NLE1: variants seen among roughly 807,000 people sequenced by gnomAD.
NLE1 encodes the protein notchless protein homolog 1.
In NLE1, 37 loss-of-function variants were observed where a neutral mutation model predicts 62.8. The observed-to-expected ratio is 0.59, with a 90% confidence interval of 0.45 to 0.78. NLE1 has a LOEUF of 0.78. Ranked by LOEUF, NLE1 falls within the 30% of genes least tolerant of loss-of-function variation. The pLI is 0.00. For missense variants in NLE1, 555 were observed against 637.9 expected, an observed-to-expected ratio of 0.87 and a Z score of 1.40; for synonymous variants, 243 against 253.0, an observed-to-expected ratio of 0.96 and a Z score of 0.37.
chr17:35,139,150 A>T (rs1287263020), intron 4 of NLE1, 85 bp downstream of exon 4: 1 of 1,169,484 alleles, frequency 8.6e-7, no homozygotes, highest in East Asian at 2.4e-5. Flanking sequence ...CTGTGACTGC[A>T]CCACTGTACT....
Position 35,129,829 on chromosome 17 carries a change from A to T in NLE1, c.*2608T>A. ...AGAATGCATGCTTCTGGGAGGTTTA[A>T]GGATTAAGCCACTCTGGGGCCCACT... On this transcript the variant is annotated 3_prime_UTR_variant, in exon 13 of 13. Coordinates refer to ENST00000442241, the MANE Select transcript of NLE1 (RefSeq NM_018096.5). The T allele has an allele frequency of 7.0e-7, 1 of 1,433,100 alleles. No homozygotes were observed. The highest frequency in any genetic ancestry group is 9.1e-7 in the Non-Finnish European group (1 of 1,098,260). The allele number at this position is 1,433,100 out of a possible 1,614,324, so 88.8% of individuals were successfully genotyped here. A position where few individuals can be genotyped will look rare whatever the true frequency, so the allele number is the denominator to read the frequency against.
rs2091867413 is a variant in NLE1 at position 35,130,122 on chromosome 17, C to G, written c.*2315G>C. 1.4e-6 allele frequency: 2 copies of G among 1,440,922 alleles called. No individual in the cohort carries two copies. Among genetic ancestry groups the G allele is most frequent in the Non-Finnish European group, 1.8e-6 (2 of 1,102,680 alleles). The allele number at this position is 1,440,922 out of a possible 1,614,324, so 89.3% of individuals were successfully genotyped here. On this transcript the variant is annotated 3_prime_UTR_variant, in exon 13 of 13. Coordinates refer to ENST00000442241, the MANE Select transcript of NLE1 (RefSeq NM_018096.5). Reference sequence around the variant, plus strand: ...ATAATGAGGAGGTACAGGCTTGAGTCATGCATCTTTGCACCTGTTTCCTGC... The same window carrying G: ...ATAATGAGGAGGTACAGGCTTGAGTGATGCATCTTTGCACCTGTTTCCTGC...
chr17:35,140,974 G>A (rs1443645490), intron 2 of NLE1, among the ~76,000 whole-genome samples: 1 of 152,198 alleles, frequency 6.6e-6, no homozygotes, highest in African/African-American at 2.4e-5. Flanking sequence ...CAGAGGCTCA[G>A]AACAACTAAG....
chr17:35,140,119 C>T, intron 2 of NLE1, 53 bp from the exon 3 acceptor site: 1 of 1,579,906 alleles, frequency 6.3e-7, no homozygotes, highest in Non-Finnish European at 8.6e-7. Context: ...GCAGGGGCAC[C>T]CTCTGCCAGG....
rs142986563 is a variant in NLE1, at chr17:35,130,014, A to G, written c.*2423T>C. 41 of 1,383,254 alleles carry G rather than the reference A, an allele frequency of 3.0e-5. No homozygotes were observed. Among genetic ancestry groups the G allele is most frequent in the Middle Eastern group, 2.7e-4 (1 of 3,680 alleles). The allele number at this position is 1,383,254 out of a possible 1,614,324, so 85.7% of individuals were successfully genotyped here. A position where few individuals can be genotyped will look rare whatever the true frequency, so the allele number is the denominator to read the frequency against. ...AAGACAAGAGGCTAAAGGGGGACGA[A>G]GAAGGGAACAGCCTGGGTATGGGGT... On this transcript the variant is annotated 3_prime_UTR_variant, in exon 13 of 13. Transcript: ENST00000442241.
rs764633856 is a variant in NLE1, at chr17:35,136,467, C to T, written c.859G>A (p.Gly287Ser). The T allele has an allele frequency of 4.5e-5, 73 of 1,613,894 alleles. No individual in the cohort carries two copies. The highest frequency in any genetic ancestry group is 3.3e-4 in the Middle Eastern group (2 of 6,064). The change falls in exon 8 of 13, where the codon GGC becomes AGC. Residue 287 changes from glycine (G) to serine (S), a missense_variant. Coordinates refer to ENST00000442241, the MANE Select transcript of NLE1 (RefSeq NM_018096.5). The part of the protein sequence containing the change: ...GVLCRTLQGH[G>S]HWVNTMALST... ...AGGGCCATGGTGTTCACCCAGTGGC[C>T]GTGGCCTTGCAGAGTCCGGCACAGC...
rs187386897 is a variant in NLE1 at position 35,129,835 on chromosome 17, A to C, written c.*2602T>G. On this transcript the variant is annotated 3_prime_UTR_variant, in exon 13 of 13. Coordinates refer to ENST00000442241, the MANE Select transcript of NLE1 (RefSeq NM_018096.5). ...CATGCTTCTGGGAGGTTTAAGGATT[A>C]AGCCACTCTGGGGCCCACTAGGAAT... 7.0e-7 allele frequency: 1 copy of C among 1,431,728 alleles called. No homozygotes were observed. The highest frequency in any genetic ancestry group is 1.4e-5 in the African/African-American group (1 of 69,676). The allele number at this position is 1,431,728 out of a possible 1,614,324, so 88.7% of individuals were successfully genotyped here. A position where few individuals can be genotyped will look rare whatever the true frequency, so the allele number is the denominator to read the frequency against.
At position 35,139,323 on chromosome 17, in the gene NLE1, G is replaced by T. The variant is rs1370924028; in HGVS notation, c.381-9C>A. ...AGCCACTGGCCAGGTACCTGGGGAA[G>T]AAGAGAGGATGCTTGACACTGCACA... On this transcript the variant is annotated splice_polypyrimidine_tract_variant and intron_variant, in intron 3 of 12. Coordinates refer to ENST00000442241, the MANE Select transcript of NLE1 (RefSeq NM_018096.5). 1 of 1,612,364 alleles carries T rather than the reference G, an allele frequency of 6.2e-7. No homozygotes were observed. The highest frequency in any genetic ancestry group is 1.3e-5 in the African/African-American group (1 of 74,920).
In NLE1 at chr17:35,142,288, C is replaced by A. The variant is rs771814717; in HGVS notation, c.-13G>T. On this transcript the variant is annotated 5_prime_UTR_variant, in exon 1 of 13. Coordinates refer to ENST00000442241, the MANE Select transcript of NLE1 (RefSeq NM_018096.5). The stretch of plus-strand genomic sequence containing the variant: ...CTGCTGCCGCCATCCTGCGTCCCCA[C>A]GTGGAGGAGAAAGAGCCCGGCAGAC... 27 of 1,538,788 alleles carry A rather than the reference C, an allele frequency of 1.8e-5. No homozygotes were observed. In the Admixed American group the frequency reaches 3.4e-4, roughly 19 times the overall value.
In NLE1 at chr17:35,129,943, T is replaced by C; in HGVS notation, c.*2494A>G. The stretch of plus-strand genomic sequence containing the variant: ...TTTAGACTCTGCAATTCAGTGCCCA[T>C]GATTGTGAGTAGGCTGGGAAGTCAA... On this transcript the variant is annotated 3_prime_UTR_variant, in exon 13 of 13. Transcript: ENST00000442241. 4.4e-6 allele frequency: 6 copies of C among 1,371,930 alleles called. No individual in the cohort carries two copies. The South Asian group carries it at 8.4e-5, about 19-fold the overall frequency. 85.0% of individuals were successfully genotyped at this position (1,371,930 alleles called of 1,614,324 possible). A position where few individuals can be genotyped will look rare whatever the true frequency, so the allele number is the denominator to read the frequency against.
Position 35,137,577 on chromosome 17 carries a change from A to G in NLE1, c.601T>C (p.Trp201Arg). ...VGRTLAGHSK[W>R]ITGLSWEPLH... Reference sequence around the variant, plus strand: ...GGCTCCCAGCTCAGGCCTGTGATCCACTTGCTGTGGCCAGCGAGGGTCCTG... The same window carrying G: ...GGCTCCCAGCTCAGGCCTGTGATCCGCTTGCTGTGGCCAGCGAGGGTCCTG... Residue 201 changes from tryptophan (W) to arginine (R), a missense_variant, in exon 6 of 13, where the codon TGG becomes CGG. By Grantham distance (101) the Trp-to-Arg change is moderately radical. Coordinates refer to ENST00000442241, the MANE Select transcript of NLE1 (RefSeq NM_018096.5). 2 of 1,610,586 alleles carry G rather than the reference A, an allele frequency of 1.2e-6. No homozygotes were observed. The highest frequency in any genetic ancestry group is 1.7e-6 in the Non-Finnish European group (2 of 1,179,966).
At chr17:35,140,218 C>A in intron 2 of NLE1, 152 bp from the exon 3 acceptor site, 1 of 790,624 alleles carries the variant, frequency 1.3e-6, no homozygotes, top group Non-Finnish European at 2.0e-6. Flanking sequence ...TTGAGCAAGA[C>A]CTTTTATTTA....
Position 35,141,842 on chromosome 17 carries a change from T to C in NLE1, c.162+137A>G, listed in dbSNP as rs183675456. ...TATGCCACTGATTCCATCTCTGACA[T>C]AGGTGGGAGCTCACGCCAGGTGGGT... On this transcript the variant is annotated intron_variant, in intron 2 of 12. Coordinates refer to ENST00000442241, the MANE Select transcript of NLE1 (RefSeq NM_018096.5). The C allele has an allele frequency of 1.3e-3, 1,231 of 945,862 alleles. 16 individuals are homozygous for C. In the African/African-American group the frequency reaches 0.018, roughly 14 times the overall value. 58.6% of individuals were successfully genotyped at this position (945,862 alleles called of 1,614,324 possible).
At chr17:35,139,369 T>C in intron 3 of NLE1, 55 bp from the exon 4 acceptor site, 1 of 1,391,480 alleles carries the variant, frequency 7.2e-7, no homozygotes, top group Non-Finnish European at 1.0e-6. Context: ...TGCCACCTAT[T>C]CAATCACTTT....
intron 9 of NLE1, 109 bp downstream of exon 9, chr17:35,136,060 T>A: frequency 1.9e-6 from 2 of 1,027,466 alleles, no homozygotes; most frequent in Non-Finnish European, 2.9e-6. Flanking sequence ...CTTTTTGGAA[T>A]AGGTACATTC....
chr17:35,130,078 CT>C lies in NLE1; in HGVS notation c.*2358del. ...TATAGAGGCCTGAGTACAGACAGCC[CT>C]TTGGTTGGAAATATCCCATAATGAG... On this transcript the variant is annotated 3_prime_UTR_variant, in exon 13 of 13. Coordinates refer to ENST00000442241, the MANE Select transcript of NLE1 (RefSeq NM_018096.5). The C allele has an allele frequency of 5.6e-6, 8 of 1,418,580 alleles. No homozygotes were observed. The South Asian group carries it at 1.1e-4, about 19-fold the overall frequency. 87.9% of individuals were successfully genotyped at this position (1,418,580 alleles called of 1,614,324 possible).
chr17:35,130,717 T>C lies in NLE1; in HGVS notation c.*1720A>G, dbSNP rs144114128. On this transcript the variant is annotated 3_prime_UTR_variant, in exon 13 of 13. Transcript: ENST00000442241. ...GGGTCTAGGTCCCTCATTAAAGAAC[T>C]GCAGGTCATCCAGCACCCTAAAGTC... 7.6e-6 allele frequency: 3 copies of C among 394,204 alleles called. No individual in the cohort carries two copies. The highest frequency in any genetic ancestry group is 1.4e-5 in the Non-Finnish European group (3 of 216,570). The allele number at this position is 394,204 out of a possible 1,614,324, so 24.4% of individuals were successfully genotyped here. A position where few individuals can be genotyped will look rare whatever the true frequency, so the allele number is the denominator to read the frequency against.
Position 35,142,124 on chromosome 17 carries a change from T to A in NLE1, c.19-2A>T. 1 of 1,610,736 alleles carries A rather than the reference T, an allele frequency of 6.2e-7. No homozygotes were observed. Among genetic ancestry groups the A allele is most frequent in the South Asian group, 1.1e-5 (1 of 91,022 alleles). The stretch of plus-strand genomic sequence containing the variant: ...CACATCGCGCGCCACCGCCTCGTCC[T>A]GCGCGAGCAAGTGGGGCGGGAGTCA... On this transcript the variant is annotated splice_acceptor_variant, in intron 1 of 12. Coordinates refer to ENST00000442241, the MANE Select transcript of NLE1 (RefSeq NM_018096.5). LOFTEE classifies it high-confidence loss of function.
At chr17:35,134,162 T>G (rs1293806670) in intron 10 of NLE1, among the ~76,000 whole-genome samples, 1 of 152,202 alleles carries the variant, frequency 6.6e-6, no homozygotes, top group Non-Finnish European at 1.5e-5. Context: ...CAGAGTCACC[T>G]GGTAACTTTG....
Sources: gnomAD v4.1 joint callset for allele counts (sites outside exome capture counted in the v4.1 genomes callset) on GRCh38, gnomAD v4.1.1 for gene constraint, MANE v1.5 for transcripts, NCBI Gene and HGNC (gene_info 2026-07-23, HGNC 2026-07-21) for gene names.